The following FBXL13 variants were observed in gnomAD, a reference collection of about 807,000 sequenced individuals.
FBXL13 encodes the protein F-box and leucine-rich repeat protein 13.
FBXL13 carries 67 observed loss-of-function variants against 83.6 expected under a neutral mutation model. The ratio of observed to expected loss-of-function variants is 0.80; its 90% CI spans 0.66 to 0.98. The LOEUF is 0.98. Ranked by LOEUF, FBXL13 falls within the 50% of genes least tolerant of loss-of-function variation. The pLI is 0.00. For missense variants in FBXL13, 822 were observed against 866.5 expected (o/e 0.95, Z 0.64); for synonymous variants, 272 against 299.5 (o/e 0.91, Z 0.95).
intron 11 of FBXL13, among the ~76,000 whole-genome samples, chr7:102,888,521 C>T (rs1011060361): frequency 3.9e-5 from 6 of 152,140 alleles, no homozygotes; most frequent in Admixed American, 2.0e-4. Context: ...GGCAACAGAG[C>T]GAGACTCTGT....
chr7:102,934,652 T>C, intron 8 of FBXL13: 2 of 1,602,928 alleles, frequency 1.2e-6, no homozygotes, highest in Non-Finnish European at 1.7e-6. Flanking sequence ...CAATTATGTG[T>C]TTCCCATACA....
chr7:102,972,621 C>T (rs1826845935), intron 6 of FBXL13, among the ~76,000 whole-genome samples: 1 of 151,892 alleles, frequency 6.6e-6, no homozygotes, highest in Admixed American at 6.6e-5. Flanking sequence ...AACCAAAAAC[C>T]ACATCTATCC....
rs1562911606 is a variant in FBXL13, at chr7:102,826,770, T to TATAC, written c.1855-4568_1855-4567insGTAT. 1.4e-4 allele frequency among the ~76,000 whole-genome samples: 14 copies of TATAC among 98,978 alleles called. 1 individual carries two copies. Among genetic ancestry groups the TATAC allele is most frequent in the African/African-American group, 5.6e-4 (14 of 24,954 alleles). 64.9% of individuals were successfully genotyped at this position (98,978 alleles called of 152,430 possible). A position where few individuals can be genotyped will look rare whatever the true frequency, so the allele number is the denominator to read the frequency against. On this transcript the variant is annotated intron_variant, in intron 18 of 19. Transcript: ENST00000313221. Reference sequence around the variant, plus strand: ...ATATATATATATATATATATATATATATGTATATATATCTCTAATATATTA... The same window carrying TATAC: ...ATATATATATATATATATATATATATATACATGTATATATATCTCTAATATATTA...
chr7:102,928,905 T>A (rs1420923899), intron 9 of FBXL13, among the ~76,000 whole-genome samples: 1 of 152,194 alleles, frequency 6.6e-6, no homozygotes, highest in Non-Finnish European at 1.5e-5. Flanking sequence ...CAGAACATTT[T>A]TTTCTCTGAT....
intron 10 of FBXL13, among the ~76,000 whole-genome samples, chr7:102,924,889 A>G (rs1230614392): frequency 1.3e-5 from 2 of 150,956 alleles, no homozygotes; most frequent in East Asian, 4.0e-4. Context: ...CCGGCCTCCC[A>G]AAGTGCTGGG....
intron 17 of FBXL13, among the ~76,000 whole-genome samples, chr7:102,834,080 GGAAAGAAAA>G (rs1801271925): frequency 1.1e-5 from 1 of 91,538 alleles, no homozygotes; most frequent in Non-Finnish European, 2.1e-5. Flanking sequence ...AAGGAAGGAA[GGAAAGAAAA>G]GAAAGAAAGA....
intron 6 of FBXL13, among the ~76,000 whole-genome samples, chr7:102,984,431 T>C (rs1394252023): frequency 6.6e-6 from 1 of 152,194 alleles, no homozygotes; most frequent in East Asian, 1.9e-4. Context: ...TTAAAGGAAT[T>C]GGCTTATGCA....
chr7:103,005,753 T>C (rs1243992315), intron 6 of FBXL13, among the ~76,000 whole-genome samples: 1 of 152,108 alleles, frequency 6.6e-6, no homozygotes, highest in Admixed American at 6.5e-5. Flanking sequence ...ACAGGCCCTA[T>C]CTTCAAATAT....
At chr7:102,973,340 G>A (rs1826971878) in intron 6 of FBXL13, 3 of 623,774 alleles carry the variant, frequency 4.8e-6, no homozygotes, top group African/African-American at 3.7e-5. Flanking sequence ...CAGGAAGAGA[G>A]CCGGCCAGAA....
At chr7:103,044,822 G>A (rs1563265547) in intron 2 of FBXL13, among the ~76,000 whole-genome samples, 1 of 152,128 alleles carries the variant, frequency 6.6e-6, no homozygotes, top group East Asian at 1.9e-4. Context: ...CTTTCATCTT[G>A]GAATGCTTGA....
intron 18 of FBXL13, chr7:102,822,471 T>C (rs1303786620): frequency 1.7e-6 from 1 of 582,490 alleles, no homozygotes; most frequent in Non-Finnish European, 3.2e-6. Context: ...GAGAGAGCTC[T>C]AGTCTTTGTC....
intron 2 of FBXL13, among the ~76,000 whole-genome samples, chr7:103,032,358 G>T (rs1197857631): frequency 6.6e-6 from 1 of 152,146 alleles, no homozygotes; most frequent in African/African-American, 2.4e-5. Context: ...AAGACATCAT[G>T]ACATTTCATC....
intron 6 of FBXL13, among the ~76,000 whole-genome samples, chr7:103,023,835 G>A (rs755655895): frequency 1.3e-5 from 2 of 152,138 alleles, no homozygotes; most frequent in Non-Finnish European, 2.9e-5. Flanking sequence ...AACATGGACG[G>A]AGTTGGAGAC....
intron 18 of FBXL13, among the ~76,000 whole-genome samples, chr7:102,830,979 C>T (rs1018919633): frequency 2.0e-5 from 3 of 152,094 alleles, no homozygotes; most frequent in Non-Finnish European, 2.9e-5. Context: ...AAAAACTAAT[C>T]GGAAGGTCAG....
chr7:103,033,214 GA>G (rs1794700059), intron 2 of FBXL13, among the ~76,000 whole-genome samples: 1 of 152,012 alleles, frequency 6.6e-6, no homozygotes, highest in Non-Finnish European at 1.5e-5. Flanking sequence ...CTGAAAGAAA[GA>G]CAAGAATGGG....
chr7:102,878,244 T>C (rs926091777), intron 15 of FBXL13, 87 bp downstream of exon 16: 3 of 1,197,384 alleles, frequency 2.5e-6, no homozygotes, highest in Non-Finnish European at 3.3e-6. Flanking sequence ...CCAAATGTCA[T>C]GAAATCTTTG....
intron 19 of FBXL13, among the ~76,000 whole-genome samples, chr7:102,821,353 T>G (rs1161188481): frequency 2.0e-5 from 3 of 152,182 alleles, no homozygotes; most frequent in African/African-American, 7.2e-5. Context: ...CAAGTAATTT[T>G]TCTTTCTTTT....
At chr7:103,052,682 T>A (rs768393833) in intron 2 of FBXL13, among the ~76,000 whole-genome samples, 15 of 152,298 alleles carry the variant, frequency 9.8e-5, no homozygotes, top group Middle Eastern at 3.4e-3. Context: ...GTCATAACTC[T>A]AAGTTTGGAT....
At chr7:102,912,599 G>T (rs753356176) in intron 11 of FBXL13, among the ~76,000 whole-genome samples, 1 of 151,220 alleles carries the variant, frequency 6.6e-6, no homozygotes, top group East Asian at 1.9e-4. Flanking sequence ...TCAGCCCAAC[G>T]GTGTAATGCA....
Sources: gnomAD v4.1 joint callset for allele counts (sites outside exome capture counted in the v4.1 genomes callset) on GRCh38, gnomAD v4.1.1 for gene constraint, MANE v1.5 for transcripts, NCBI Gene and HGNC (gene_info 2026-07-23, HGNC 2026-07-21) for gene names.